C2: variants seen among roughly 807,000 people sequenced by gnomAD.
C2 encodes C3/C5 convertase.
A neutral mutation model predicts 85.2 loss-of-function variants in C2; 64 were observed. The ratio of observed to expected loss-of-function variants is 0.75; its 90% CI spans 0.61 to 0.92. C2 has a LOEUF of 0.92. Ranked by LOEUF, C2 falls within the 40% of genes least tolerant of loss-of-function variation. The probability of loss-of-function intolerance (pLI) is 0.00; values close to 1 mark genes in which losing one functional copy is unlikely to be tolerated. For missense variants in C2, 820 were observed against 971.6 expected, an observed-to-expected ratio of 0.84 and a Z score of 2.07; for synonymous variants, 311 against 370.8, an observed-to-expected ratio of 0.84 and a Z score of 1.85.
intron 9 of C2, 56 bp downstream of exon 9, chr6:31,939,376 C>G: frequency 7.7e-7 from 1 of 1,292,400 alleles, no homozygotes; most frequent in Non-Finnish European, 1.1e-6. Flanking sequence ...GTCATGAGAT[C>G]TTCAGCCAGG....
intron 1 of C2, chr6:31,901,734 T>G: frequency 6.3e-6 from 1 of 158,438 alleles, no homozygotes; most frequent in South Asian, 1.3e-4. Flanking sequence ...TTTCACGTCC[T>G]CCCCCCCGCC....
intron 9 of C2, among the ~76,000 whole-genome samples, chr6:31,939,949 G>C (rs1307560838): frequency 6.6e-6 from 1 of 151,934 alleles, no homozygotes; most frequent in Non-Finnish European, 1.5e-5. Flanking sequence ...GCTCATTTTT[G>C]CATTTTTAAT....
chr6:31,923,440 C>T (rs1404392580), upstream of C2, among the ~76,000 whole-genome samples: 2 of 152,166 alleles, frequency 1.3e-5, no homozygotes, highest in Non-Finnish European at 2.9e-5. Context: ...GGGCCACACA[C>T]GCCATCTCAG....
intron 1 of C2, among the ~76,000 whole-genome samples, chr6:31,912,129 A>G (rs762126586): frequency 6.6e-6 from 1 of 152,092 alleles, no homozygotes; most frequent in Non-Finnish European, 1.5e-5. Flanking sequence ...TGTGGACCAC[A>G]GTCTGAGTAG....
chr6:31,930,844 A>G (rs960693993), intron 3 of C2, among the ~76,000 whole-genome samples: 4 of 152,216 alleles, frequency 2.6e-5, no homozygotes, highest in African/African-American at 9.6e-5. Context: ...ACTTATTTTA[A>G]AATTGAGGCA....
At chr6:31,927,667 G>A (rs1459846295), upstream of C2, 41 of 1,611,780 alleles carry the variant, frequency 2.5e-5, no homozygotes, top group Non-Finnish European at 3.4e-5. The surrounding 1 kb of genome is among the most constrained non-coding windows in gnomAD (Gnocchi z 4.7). Flanking sequence ...TGAAGCAGCT[G>A]CTGACCCAGC....
upstream of C2, chr6:31,927,679 C>G: frequency 2.5e-6 from 4 of 1,612,466 alleles, no homozygotes; most frequent in Non-Finnish European, 3.4e-6. This position sits in a 1 kb window ranked among gnomAD's most constrained non-coding sequence, Gnocchi z 4.7. Flanking sequence ...TGACCCAGCT[C>G]TAGTTTTCGG....
chr6:31,899,630 G>C (rs1767038332), upstream of C2: 1 of 352,380 alleles, frequency 2.8e-6, no homozygotes, highest in African/African-American at 2.2e-5. Flanking sequence ...TCATTCTATA[G>C]GACCCTTTTC....
intron 9 of C2, among the ~76,000 whole-genome samples, chr6:31,942,679 G>A (rs542654): frequency 6.6e-6 from 1 of 152,090 alleles, no homozygotes; most frequent in African/African-American, 2.4e-5. Flanking sequence ...GTGGAAGTCT[G>A]GGGGGGAGGA....
At chr6:31,899,563 A>G (rs1345870533), upstream of C2, 1 of 155,158 alleles carries the variant, frequency 6.4e-6, no homozygotes, top group Non-Finnish European at 1.4e-5. Context: ...ATCTCGAGAA[A>G]TGTCAGAACC....
chr6:31,935,963 C>T lies in C2; in HGVS notation c.890C>T (p.Thr297Ile). ...FEINVSVAII[T>I]FASEPKVLMS... is the part of the protein sequence containing the mutation. Reference sequence around the variant, plus strand: ...ATCAATGTGAGCGTTGCCATTATCACCTTTGCCTCAGAGCCCAAAGTCCTC... The same window carrying T: ...ATCAATGTGAGCGTTGCCATTATCATCTTTGCCTCAGAGCCCAAAGTCCTC... The change falls in exon 7 of 18, where the codon ACC becomes ATC. Residue 297 changes from threonine to isoleucine, a missense_variant. By Grantham distance (89) the Thr-to-Ile change is moderately conservative. Transcript: ENST00000299367. The surrounding 1 kb of genome is among the most constrained non-coding windows in gnomAD (Gnocchi z 4.3). 2 of 1,613,030 alleles carry T rather than the reference C, an allele frequency of 1.2e-6. No individual in the cohort carries two copies. Among genetic ancestry groups the T allele is most frequent in the South Asian group, 2.2e-5 (2 of 91,088 alleles).
upstream of C2, chr6:31,927,426 C>A: frequency 8.1e-7 from 1 of 1,227,066 alleles, no homozygotes; most frequent in East Asian, 3.1e-5. The surrounding 1 kb of genome is among the most constrained non-coding windows in gnomAD (Gnocchi z 4.7). Flanking sequence ...TGTTTGCCTG[C>A]GTGTTTGTGA....
chr6:31,939,314 T>C lies in C2; in HGVS notation c.1213T>C (p.Tyr405His). The C allele has an allele frequency of 1.2e-6, 2 of 1,610,188 alleles. No homozygotes were observed. Among genetic ancestry groups the C allele is most frequent in the Non-Finnish European group, 1.7e-6 (2 of 1,177,978 alleles). ...ILNINQKRND[Y>H]LDIYAIGVGK... is the part of the protein sequence containing the mutation. Reference sequence around the variant, plus strand: ...GAACATCAACCAGAAGAGGAATGACTATCTGGGTGAGCCCCTGCCACTGCC... The same window carrying C: ...GAACATCAACCAGAAGAGGAATGACCATCTGGGTGAGCCCCTGCCACTGCC... The change falls in exon 9 of 18, where the codon TAT (tyrosine) becomes CAT (histidine). Residue 405 changes from tyrosine to histidine, a missense_variant. Transcript: ENST00000299367.
Position 31,935,780 on chromosome 6 carries a change from A to T in C2, c.850-143A>T. 2 of 911,042 alleles carry T rather than the reference A, an allele frequency of 2.2e-6. No individual in the cohort carries two copies. Among genetic ancestry groups the T allele is most frequent in the Non-Finnish European group, 3.6e-6 (2 of 562,944 alleles). The allele number at this position is 911,042 out of a possible 1,614,324, so 56.4% of individuals were successfully genotyped here. A position where few individuals can be genotyped will look rare whatever the true frequency, so the allele number is the denominator to read the frequency against. ...AGCCCCTAGCTTCTTCCTAACAGCCATTTCCTAGTGTCTCCCCTGGTCCTT... is the reference window on the plus strand; with the variant it reads ...AGCCCCTAGCTTCTTCCTAACAGCCTTTTCCTAGTGTCTCCCCTGGTCCTT... On this transcript the variant is annotated intron_variant, in intron 6 of 17. Coordinates refer to ENST00000299367, the MANE Select transcript of C2 (RefSeq NM_000063.6). This position sits in a 1 kb window ranked among gnomAD's most constrained non-coding sequence, Gnocchi z 4.3.
chr6:31,924,002 G>A (rs1171912117), upstream of C2, among the ~76,000 whole-genome samples: 3 of 132,752 alleles, frequency 2.3e-5, no homozygotes, highest in African/African-American at 5.7e-5. Context: ...GGGTTTCACC[G>A]TGTTAGCCAG....
In C2 at chr6:31,928,032, G is replaced by C; in HGVS notation, c.124G>C (p.Ala42Pro). 6.2e-7 allele frequency: 1 copy of C among 1,614,080 alleles called. No homozygotes were observed. The highest frequency in any genetic ancestry group is 8.5e-7 in the Non-Finnish European group (1 of 1,180,010). The change falls in exon 2 of 18, where the codon GCT (alanine) becomes CCT (proline). Residue 42 changes from alanine to proline, a missense_variant. Physicochemically the swap from Ala to Pro is conservative, Grantham distance 27 (BLOSUM62 -1). Transcript: ENST00000299367. ...CACCTTCACCCTCAGCCATGGCTGG[G>C]CTCCTGGGAGCCTTCTCACCTACTC... ...GGTFTLSHGWAPGSLLTYSCP... is the reference protein window; with the variant it reads ...GGTFTLSHGWPPGSLLTYSCP...
At chr6:31,932,871 C>T (rs1770020792) in intron 3 of C2, among the ~76,000 whole-genome samples, 1 of 152,268 alleles carries the variant, frequency 6.6e-6, no homozygotes, top group Non-Finnish European at 1.5e-5. Context: ...CCCAGCACCT[C>T]GGGAGGCCGA....
chr6:31,901,480 G>A (rs1767262481), intron 1 of C2, among the ~76,000 whole-genome samples: 1 of 151,910 alleles, frequency 6.6e-6, no homozygotes, highest in African/African-American at 2.4e-5. Flanking sequence ...GGGAGGTGCT[G>A]TCCCTCTGAG....
rs186920910 is a variant in C2 at position 31,935,688 on chromosome 6, C to T, written c.850-235C>T. Among the ~76,000 whole-genome samples the T allele has an allele frequency of 5.9e-5, 9 of 152,110 alleles. No individual in the cohort carries two copies. In the East Asian group the frequency reaches 1.7e-3, roughly 29 times the overall value. On this transcript the variant is annotated intron_variant, in intron 6 of 17. Transcript: ENST00000299367. The surrounding 1 kb of genome is among the most constrained non-coding windows in gnomAD (Gnocchi z 4.3). ...TTTGCCATGTTGGTCAGGCTGGTCT[C>T]GAACTCCTGACCTCAGGTGATCCAC...
Sources: allele counts gnomAD v4.1 joint callset (sites outside exome capture counted in the v4.1 genomes callset), GRCh38; gene constraint gnomAD v4.1.1; non-coding constraint Gnocchi (gnomAD v3.1); transcripts MANE v1.5; gene names NCBI Gene and HGNC (gene_info 2026-07-23, HGNC 2026-07-21).